Variants in GALNTL6 observed in about 807,000 individuals in gnomAD.
The protein encoded by GALNTL6 is polypeptide N-acetylgalactosaminyltransferase-like 6.
Under a neutral mutation model 73.7 loss-of-function variants are expected in GALNTL6, and 46 were observed. The ratio of observed to expected loss-of-function variants is 0.62; its 90% CI spans 0.49 to 0.80. The LOEUF (loss-of-function observed/expected upper bound fraction) is 0.80. Ranked by LOEUF, GALNTL6 falls within the 30% of genes least tolerant of loss-of-function variation. The pLI is 0.00. For missense variants in GALNTL6, 604 were observed against 755.0 expected (o/e 0.80, Z 2.34); for synonymous variants, 259 against 263.7 (o/e 0.98, Z 0.17).
chr4:173,028,870 G>A (rs547306538), intron 12 of GALNTL6, among the ~76,000 whole-genome samples: 1 of 152,272 alleles, frequency 6.6e-6, no homozygotes, highest in Non-Finnish European at 1.5e-5. Flanking sequence ...CATCAAACAG[G>A]AAGTACAGGT....
intron 2 of GALNTL6, among the ~76,000 whole-genome samples, chr4:171,935,660 G>C (rs1229786888): frequency 2.0e-5 from 3 of 152,080 alleles, no homozygotes; most frequent in Non-Finnish European, 4.4e-5. Context: ...TTGTAGAGAT[G>C]AGGTCTCCCT....
intron 7 of GALNTL6, among the ~76,000 whole-genome samples, chr4:172,814,381 T>C (rs1414120634): frequency 6.6e-6 from 1 of 152,144 alleles, no homozygotes; most frequent in Non-Finnish European, 1.5e-5. Flanking sequence ...GAAGTATGCA[T>C]TTAAAGAAAA....
At chr4:172,901,689 A>C (rs1746637390) in intron 8 of GALNTL6, among the ~76,000 whole-genome samples, 1 of 152,180 alleles carries the variant, frequency 6.6e-6, no homozygotes, top group African/African-American at 2.4e-5. Flanking sequence ...ATTCCAGAAA[A>C]TTGCTTTATC....
intron 5 of GALNTL6, among the ~76,000 whole-genome samples, chr4:172,394,428 CTTTTTTTTTT>C (rs201130774): frequency 4.2e-5 from 5 of 120,182 alleles, no homozygotes; most frequent in Admixed American, 3.5e-4. Context: ...TCTTCTTCTT[CTTTTTTTTTT>C]TTTTTTTTTT....
intron 5 of GALNTL6, among the ~76,000 whole-genome samples, chr4:172,715,056 C>T (rs1019174338): frequency 6.6e-6 from 1 of 151,800 alleles, no homozygotes; most frequent in Non-Finnish European, 1.5e-5. Context: ...TCATTAAGAT[C>T]TTCTGGTTTC....
At chr4:171,963,185 C>A (rs556645763) in intron 2 of GALNTL6, among the ~76,000 whole-genome samples, 1 of 151,726 alleles carries the variant, frequency 6.6e-6, no homozygotes, top group East Asian at 1.9e-4. Context: ...GGGAAAGATG[C>A]TAGAAATCAA....
intron 2 of GALNTL6, among the ~76,000 whole-genome samples, chr4:172,116,499 C>A (rs1046867032): frequency 1.3e-5 from 2 of 152,010 alleles, no homozygotes; most frequent in Non-Finnish European, 2.9e-5. Flanking sequence ...TCAAACTCCT[C>A]GTCTCAGTGA....
Position 172,730,321 on chromosome 4 carries a change from A to G in GALNTL6, c.554-79040A>G, listed in dbSNP as rs145427417. ...TTGTCTTGTTCCAAGTCTTTAGAGGATAGGTCTTCCATGTTTCTCCATTCA... is the reference window on the plus strand; with the variant it reads ...TTGTCTTGTTCCAAGTCTTTAGAGGGTAGGTCTTCCATGTTTCTCCATTCA... On this transcript the variant is annotated intron_variant, in intron 5 of 12. Coordinates refer to ENST00000506823, the MANE Select transcript of GALNTL6 (RefSeq NM_001034845.3). Among the ~76,000 whole-genome samples the G allele has an allele frequency of 4.9e-3, 743 of 152,286 alleles. 4 individuals are homozygous for G. The highest frequency in any genetic ancestry group is 0.03 in the East Asian group (155 of 5,180).
intron 2 of GALNTL6, among the ~76,000 whole-genome samples, chr4:172,091,084 C>A (rs1162695783): frequency 6.6e-6 from 1 of 151,886 alleles, no homozygotes; most frequent in African/African-American, 2.4e-5. Flanking sequence ...CATGCTGGTA[C>A]CAAGGCTACA....
At chr4:171,927,085 C>G (rs572683082) in intron 2 of GALNTL6, among the ~76,000 whole-genome samples, 1 of 151,826 alleles carries the variant, frequency 6.6e-6, no homozygotes, top group East Asian at 1.9e-4. Flanking sequence ...ACATAAGGAA[C>G]AGCTACCTGT....
intron 5 of GALNTL6, among the ~76,000 whole-genome samples, chr4:172,715,889 A>G (rs1200265869): frequency 6.6e-6 from 1 of 152,206 alleles, no homozygotes; most frequent in Non-Finnish European, 1.5e-5. Context: ...TAAGTACACT[A>G]TGTTACTTCA....
In GALNTL6 at chr4:172,782,744, A is replaced by G. The variant is rs533942252; in HGVS notation, c.554-26617A>G. Reference sequence around the variant, plus strand: ...TTAAGATTAGCCTTCACACTAGTGCATTCATTAAATTGTCACCAGAAAGAG... The same window carrying G: ...TTAAGATTAGCCTTCACACTAGTGCGTTCATTAAATTGTCACCAGAAAGAG... On this transcript the variant is annotated intron_variant, in intron 5 of 12. Transcript: ENST00000506823. Among the ~76,000 whole-genome samples, 29 of 152,232 alleles carry G rather than the reference A, an allele frequency of 1.9e-4. No homozygotes were observed. The South Asian group carries it at 3.7e-3, about 20-fold the overall frequency.
chr4:172,545,628 C>T (rs1735719387), intron 5 of GALNTL6: 2 of 152,224 alleles, frequency 1.3e-5, no homozygotes, highest in South Asian at 4.1e-4. Flanking sequence ...CATTTGCCCT[C>T]TGTTTATTTC....
At chr4:171,945,167 C>T (rs1738665910) in intron 2 of GALNTL6, among the ~76,000 whole-genome samples, 2 of 151,972 alleles carry the variant, frequency 1.3e-5, no homozygotes, top group African/African-American at 2.4e-5. Flanking sequence ...CCCTTTACAA[C>T]CAACTCTCCA....
intron 5 of GALNTL6, among the ~76,000 whole-genome samples, chr4:172,349,239 T>C (rs2111217024): frequency 6.6e-6 from 1 of 152,234 alleles, no homozygotes; most frequent in East Asian, 1.9e-4. Flanking sequence ...AAATTTAGCA[T>C]AAGTTTTAAT....
At chr4:172,864,045 G>A (rs1489598319) in intron 7 of GALNTL6, among the ~76,000 whole-genome samples, 1 of 152,154 alleles carries the variant, frequency 6.6e-6, no homozygotes, top group African/African-American at 2.4e-5. Flanking sequence ...CTTGCCTGCT[G>A]CCATGTAAGA....
At chr4:172,148,773 A>T (rs1378971351) in intron 2 of GALNTL6, among the ~76,000 whole-genome samples, 2 of 152,218 alleles carry the variant, frequency 1.3e-5, no homozygotes, top group African/African-American at 2.4e-5. Context: ...AAATGTGAGC[A>T]TAATGCTTAT....
intron 5 of GALNTL6, among the ~76,000 whole-genome samples, chr4:172,394,322 G>C (rs1743769073): frequency 6.6e-6 from 1 of 151,714 alleles, no homozygotes; most frequent in South Asian, 2.1e-4. Context: ...ATTATAATGT[G>C]AGAGCCATGG....
At chr4:172,269,109 C>T (rs1738549116) in intron 3 of GALNTL6, among the ~76,000 whole-genome samples, 3 of 152,080 alleles carry the variant, frequency 2.0e-5, no homozygotes, top group Admixed American at 2.0e-4. Flanking sequence ...AATCTGGAGC[C>T]TGACCAGTAA....
Sources: gnomAD v4.1 joint callset for allele counts (sites outside exome capture counted in the v4.1 genomes callset) on GRCh38, gnomAD v4.1.1 for gene constraint, MANE v1.5 for transcripts, NCBI Gene and HGNC (gene_info 2026-07-23, HGNC 2026-07-21) for gene names.